ARL15: variants seen among roughly 807,000 people sequenced by gnomAD.
ARL15 encodes the protein ADP-ribosylation factor-like protein 15.
ARL15 carries 19 observed loss-of-function variants against 25.2 expected under a neutral mutation model. The observed-to-expected ratio is 0.75, with a 90% confidence interval of 0.53 to 1.10. The LOEUF is 1.10. Ranked by LOEUF, ARL15 falls within the 50% of genes least tolerant of loss-of-function variation. The probability of loss-of-function intolerance (pLI) is 0.00; values close to 1 mark genes in which losing one functional copy is unlikely to be tolerated. For missense variants in ARL15, 220 were observed against 246.0 expected (o/e 0.89, Z 0.71); for synonymous variants, 94 against 86.8 (o/e 1.08, Z -0.46).
At chr5:54,198,104 G>A (rs1358781266) in intron 1 of ARL15, among the ~76,000 whole-genome samples, 1 of 152,058 alleles carries the variant, frequency 6.6e-6, no homozygotes, top group African/African-American at 2.4e-5. Flanking sequence ...AACCCTTCAT[G>A]TTAAAAACTC....
chr5:54,100,608 A>G (rs1426142865), intron 4 of ARL15, among the ~76,000 whole-genome samples: 1 of 152,094 alleles, frequency 6.6e-6, no homozygotes, highest in Admixed American at 6.6e-5. Flanking sequence ...CTAAAAATTC[A>G]TACCTTGGTA....
At chr5:54,178,496 G>C (rs1337449497) in intron 1 of ARL15, among the ~76,000 whole-genome samples, 1 of 152,084 alleles carries the variant, frequency 6.6e-6, no homozygotes, top group African/African-American at 2.4e-5. Context: ...GTGAGGCCAA[G>C]GACCACACTC....
At chr5:53,906,124 TA>T (rs1386305988) in intron 4 of ARL15, among the ~76,000 whole-genome samples, 2 of 152,216 alleles carry the variant, frequency 1.3e-5, no homozygotes, top group Non-Finnish European at 2.9e-5. Flanking sequence ...AAGTCAATTA[TA>T]GTTTTCATAA....
At chr5:54,251,425 T>A (rs962632988) in intron 1 of ARL15, among the ~76,000 whole-genome samples, 1 of 152,186 alleles carries the variant, frequency 6.6e-6, no homozygotes. Context: ...AATTGAATAT[T>A]AGCATTAGTC....
At chr5:54,304,321 A>G (rs919804082) in intron 1 of ARL15, among the ~76,000 whole-genome samples, 4 of 152,242 alleles carry the variant, frequency 2.6e-5, no homozygotes, top group African/African-American at 9.6e-5. Flanking sequence ...TAATGCTATT[A>G]CACATGCAAA....
chr5:53,913,361 A>T (rs1745528400), intron 4 of ARL15, among the ~76,000 whole-genome samples: 1 of 152,154 alleles, frequency 6.6e-6, no homozygotes, highest in Admixed American at 6.5e-5. Context: ...CTATCCCCTT[A>T]ACTGAGTTTA....
intron 1 of ARL15, among the ~76,000 whole-genome samples, chr5:54,283,850 T>C (rs1758120675): frequency 6.6e-6 from 1 of 152,228 alleles, no homozygotes; most frequent in South Asian, 2.1e-4. Context: ...CAAAATGAGA[T>C]GTAACTGAAA....
At chr5:53,891,848 G>C (rs924588179) in intron 4 of ARL15, among the ~76,000 whole-genome samples, 3 of 152,206 alleles carry the variant, frequency 2.0e-5, no homozygotes, top group Non-Finnish European at 4.4e-5. Flanking sequence ...AACGAGACTG[G>C]AGAGTGTGAG....
At chr5:54,251,740 T>C (rs1246402599) in intron 1 of ARL15, among the ~76,000 whole-genome samples, 1 of 152,166 alleles carries the variant, frequency 6.6e-6, no homozygotes, top group African/African-American at 2.4e-5. Flanking sequence ...TGTAGTGTAA[T>C]AAGGTAAGCA....
At chr5:54,131,218 G>A (rs537339868) in intron 3 of ARL15, among the ~76,000 whole-genome samples, 2 of 152,290 alleles carry the variant, frequency 1.3e-5, no homozygotes, top group South Asian at 4.1e-4. Context: ...AGTCCAAAGA[G>A]CTTATTAGCC....
chr5:53,890,956 C>CCCGTTAG (rs1313684921), intron 4 of ARL15, among the ~76,000 whole-genome samples: 1 of 152,132 alleles, frequency 6.6e-6, no homozygotes, highest in Non-Finnish European at 1.5e-5. Flanking sequence ...TTCCTAGGTC[C>CCCGTTAG]AGGATCTCTA....
intron 4 of ARL15, among the ~76,000 whole-genome samples, chr5:54,004,701 A>G (rs1748961966): frequency 6.6e-6 from 1 of 152,064 alleles, no homozygotes; most frequent in East Asian, 1.9e-4. Flanking sequence ...TGCTATATTT[A>G]CAGGACATTA....
At chr5:54,258,159 T>C (rs1346027936) in intron 1 of ARL15, among the ~76,000 whole-genome samples, 5 of 147,362 alleles carry the variant, frequency 3.4e-5, no homozygotes, top group Middle Eastern at 3.5e-3. Flanking sequence ...AGTTAAGACT[T>C]TGTTTCTACA....
intron 4 of ARL15, among the ~76,000 whole-genome samples, chr5:54,065,441 G>A (rs1280926230): frequency 3.3e-5 from 5 of 152,220 alleles, no homozygotes; most frequent in South Asian, 2.1e-4. Flanking sequence ...TGAGGCGGGC[G>A]GATCACCTCA....
chr5:53,973,084 G>C (rs1351595467), intron 4 of ARL15, among the ~76,000 whole-genome samples: 1 of 152,158 alleles, frequency 6.6e-6, no homozygotes, highest in Non-Finnish European at 1.5e-5. Flanking sequence ...TTATTTACTA[G>C]TGATGACAAT....
chr5:54,310,460 G>A lies in ARL15; in HGVS notation c.20C>T (p.Thr7Ile). ...ATAATCCATGTACAGAAACGCCTCA[G>A]TTATTCGGAGATCAGACATCCGGCA... MSDLRI[T>I]EAFLYMDYLC... Residue 7 changes from threonine to isoleucine, a missense_variant, in exon 1 of 5, where the codon ACT (threonine) becomes ATT (isoleucine). By Grantham distance (89) the Thr-to-Ile change is moderately conservative. Coordinates refer to ENST00000504924, the MANE Select transcript of ARL15 (RefSeq NM_019087.3). 1 of 1,608,954 alleles carries A rather than the reference G, an allele frequency of 6.2e-7. No homozygotes were observed. Among genetic ancestry groups the A allele is most frequent in the Non-Finnish European group, 8.5e-7 (1 of 1,177,904 alleles).
In ARL15 at chr5:54,060,065, A is replaced by T. The variant is rs188044436; in HGVS notation, c.462+53137T>A. Reference sequence around the variant, plus strand: ...AATTCCAGTGGAAGGTGACTGAATTATGGGGACTGGTCTTTTCTGTGCTGT... The same window carrying T: ...AATTCCAGTGGAAGGTGACTGAATTTTGGGGACTGGTCTTTTCTGTGCTGT... On this transcript the variant is annotated intron_variant, in intron 4 of 4. Transcript: ENST00000504924. Among the ~76,000 whole-genome samples the T allele has an allele frequency of 3.3e-3, 459 of 138,224 alleles. 5 individuals carry two copies. Among genetic ancestry groups the T allele is most frequent in the African/African-American group, 0.012 (445 of 36,716 alleles). 90.7% of individuals were successfully genotyped at this position (138,224 alleles called of 152,430 possible).
At chr5:53,966,945 T>C (rs778698475) in intron 4 of ARL15, among the ~76,000 whole-genome samples, 3 of 152,328 alleles carry the variant, frequency 2.0e-5, no homozygotes, top group Admixed American at 6.5e-5. Flanking sequence ...CCTATACATC[T>C]ACCTTTAGGG....
At chr5:54,219,841 A>T (rs1318517911) in intron 1 of ARL15, among the ~76,000 whole-genome samples, 1 of 152,244 alleles carries the variant, frequency 6.6e-6, no homozygotes, top group Non-Finnish European at 1.5e-5. Context: ...TTTAAAAGCC[A>T]TGGGCAACCA....
Sources: gnomAD v4.1 joint callset for allele counts (sites outside exome capture counted in the v4.1 genomes callset) on GRCh38, gnomAD v4.1.1 for gene constraint, MANE v1.5 for transcripts, NCBI Gene and HGNC (gene_info 2026-07-23, HGNC 2026-07-21) for gene names.